CACNA2D1: variants seen among roughly 807,000 people sequenced by gnomAD.
The protein encoded by CACNA2D1 is voltage-dependent calcium channel subunit alpha-2/delta-1.
Under a neutral mutation model 171.5 loss-of-function variants are expected in CACNA2D1, and 53 were observed. The observed-to-expected ratio is 0.31, with a 90% CI of 0.25 to 0.39. The LOEUF (loss-of-function observed/expected upper bound fraction) is 0.39. Among genes scored for constraint, CACNA2D1 ranks in the 10% least tolerant of loss-of-function variants. CACNA2D1 has a pLI of 1.00. For synonymous variants in CACNA2D1, 442 were observed against 443.1 expected (o/e 1.00, Z 0.03); for missense variants, 903 against 1,299.8 (o/e 0.69, Z 4.69).
intron 4 of CACNA2D1, among the ~76,000 whole-genome samples, chr7:82,150,270 C>CAAAAAAA (rs1195730824): frequency 1.3e-5 from 1 of 74,330 alleles, no homozygotes; most frequent in African/African-American, 7.5e-5. Context: ...AAAAAAAAAA[C>CAAAAAAA]AAAAACAACA....
At position 81,983,281 on chromosome 7, in the gene CACNA2D1, C is replaced by T. The variant is rs377612165; in HGVS notation, c.1894+33G>A. The T allele has an allele frequency of 2.5e-6, 4 of 1,575,240 alleles. No homozygotes were observed. In the East Asian group the frequency reaches 6.7e-5, roughly 27 times the overall value. On this transcript the variant is annotated intron_variant, in intron 23 of 38. Coordinates refer to ENST00000356860, the MANE Select transcript of CACNA2D1 (RefSeq NM_000722.4). ...CAGTGGAAATGTCAAGTGTACTAAA[C>T]AGAAAGAAGTTGAGCAACAAGAAAA...
At chr7:82,194,357 A>G (rs148479170) in intron 3 of CACNA2D1, among the ~76,000 whole-genome samples, 1 of 152,116 alleles carries the variant, frequency 6.6e-6, no homozygotes, top group Non-Finnish European at 1.5e-5. Flanking sequence ...TCATGCAGGG[A>G]TAGCAAAATA....
chr7:82,154,610 T>C (rs557300433), intron 4 of CACNA2D1, among the ~76,000 whole-genome samples: 5 of 152,052 alleles, frequency 3.3e-5, no homozygotes, highest in South Asian at 2.1e-4. Flanking sequence ...AAAAAAGATA[T>C]GGTATGCACA....
At chr7:82,176,658 T>C (rs1796565944) in intron 3 of CACNA2D1, among the ~76,000 whole-genome samples, 1 of 151,806 alleles carries the variant, frequency 6.6e-6, no homozygotes, top group Admixed American at 6.6e-5. Flanking sequence ...TTGATAATTG[T>C]AGCAACTAGA....
intron 3 of CACNA2D1, among the ~76,000 whole-genome samples, chr7:82,236,155 G>A (rs1056104557): frequency 1.3e-5 from 2 of 151,900 alleles, no homozygotes; most frequent in South Asian, 4.2e-4. Context: ...AAGCAACCAC[G>A]GAGAAGAGAA....
At chr7:82,305,429 T>C (rs1159623605) in intron 3 of CACNA2D1, among the ~76,000 whole-genome samples, 1 of 152,178 alleles carries the variant, frequency 6.6e-6, no homozygotes, top group African/African-American at 2.4e-5. Flanking sequence ...AAAAGAATCT[T>C]ATTAGTGAAA....
chr7:81,967,844 CAA>C (rs1429194925), intron 29 of CACNA2D1, among the ~76,000 whole-genome samples, 181 bp from the exon 30 acceptor site: 2 of 151,412 alleles, frequency 1.3e-5, no homozygotes, highest in South Asian at 4.1e-4. Flanking sequence ...AACATATTCA[CAA>C]AAGAGTGTAT....
At chr7:82,033,457 CAT>C (rs1802950766) in intron 11 of CACNA2D1, among the ~76,000 whole-genome samples, 2 of 151,990 alleles carry the variant, frequency 1.3e-5, no homozygotes, top group Admixed American at 6.6e-5. Context: ...CAAAAAATAA[CAT>C]TAATTTAAAA....
chr7:82,378,659 A>C (rs1823302881), intron 1 of CACNA2D1, among the ~76,000 whole-genome samples: 1 of 152,118 alleles, frequency 6.6e-6, no homozygotes, highest in African/African-American at 2.4e-5. Context: ...CTTGTTAAAA[A>C]CACCAAATTA....
intron 20 of CACNA2D1, among the ~76,000 whole-genome samples, chr7:81,994,140 T>C (rs778531006): frequency 2.0e-5 from 3 of 152,106 alleles, no homozygotes; most frequent in Non-Finnish European, 4.4e-5. Flanking sequence ...ATATAGGTTA[T>C]ACATAAAAGC....
chr7:82,413,324 T>C (rs191912252), intron 1 of CACNA2D1, among the ~76,000 whole-genome samples: 61 of 152,376 alleles, frequency 4.0e-4, no homozygotes, highest in Middle Eastern at 3.4e-3. Context: ...TTATTTCTAC[T>C]CATGCCCTGG....
chr7:82,395,844 C>T (rs537527978), intron 1 of CACNA2D1, among the ~76,000 whole-genome samples: 1 of 152,242 alleles, frequency 6.6e-6, no homozygotes, highest in East Asian at 1.9e-4. Context: ...GCAGACTGCT[C>T]ATTTAACTAC....
chr7:82,345,774 T>A (rs775488782), intron 2 of CACNA2D1, among the ~76,000 whole-genome samples: 7 of 151,646 alleles, frequency 4.6e-5, no homozygotes, highest in Non-Finnish European at 7.4e-5. Context: ...ACATATATAT[T>A]TTTCTAAATT....
At chr7:82,233,453 G>A (rs931057180) in intron 3 of CACNA2D1, among the ~76,000 whole-genome samples, 1 of 151,984 alleles carries the variant, frequency 6.6e-6, no homozygotes, top group Non-Finnish European at 1.5e-5. Context: ...GATTAGTTTT[G>A]CCTTCACAGA....
intron 3 of CACNA2D1, among the ~76,000 whole-genome samples, chr7:82,228,835 G>C (rs1341131820): frequency 6.6e-6 from 1 of 152,074 alleles, no homozygotes; most frequent in Non-Finnish European, 1.5e-5. Flanking sequence ...CACCAGGACA[G>C]CTTTAAGAAA....
intron 3 of CACNA2D1, among the ~76,000 whole-genome samples, chr7:82,211,562 G>A (rs1800557448): frequency 6.6e-6 from 1 of 152,166 alleles, no homozygotes; most frequent in African/African-American, 2.4e-5. Flanking sequence ...TGGCTGTGAA[G>A]TATTTCATGG....
At chr7:82,102,485 TA>T (rs2129037470) in intron 6 of CACNA2D1, among the ~76,000 whole-genome samples, 1 of 151,214 alleles carries the variant, frequency 6.6e-6, no homozygotes, top group Non-Finnish European at 1.5e-5. Flanking sequence ...TACATATATA[TA>T]CACACACACA....
chr7:82,020,271 A>G (rs1050857936), intron 12 of CACNA2D1, among the ~76,000 whole-genome samples: 2 of 152,150 alleles, frequency 1.3e-5, no homozygotes, highest in African/African-American at 4.8e-5. Context: ...TCAGAGAAAG[A>G]CACAGACAAA....
intron 3 of CACNA2D1, among the ~76,000 whole-genome samples, chr7:82,324,452 C>G (rs868606107): frequency 6.7e-6 from 1 of 150,246 alleles, no homozygotes. Context: ...CAAAATGTTA[C>G]GAAAATTAAA....
Sources: gnomAD v4.1 joint callset for allele counts (sites outside exome capture counted in the v4.1 genomes callset) on GRCh38, gnomAD v4.1.1 for gene constraint, MANE v1.5 for transcripts, NCBI Gene and HGNC (gene_info 2026-07-23, HGNC 2026-07-21) for gene names.